The following RBBP4 variants were observed in gnomAD, a reference collection of about 807,000 sequenced individuals.
RBBP4 encodes RB binding protein 4, chromatin remodeling factor.
A neutral mutation model predicts 57.2 loss-of-function variants in RBBP4; 3 were observed. The ratio of observed to expected loss-of-function variants is 0.05; its 90% CI spans 0.02 to 0.14. RBBP4 has a LOEUF of 0.14. Ranked by LOEUF, RBBP4 falls within the 10% of genes least tolerant of loss-of-function variation. The pLI is 1.00. For missense variants in RBBP4, 107 were observed against 520.6 expected, an observed-to-expected ratio of 0.21 and a Z score of 7.73; for synonymous variants, 151 against 171.5, an observed-to-expected ratio of 0.88 and a Z score of 0.93.
intron 2 of RBBP4, among the ~76,000 whole-genome samples, chr1:32,655,765 T>C (rs976557403): frequency 6.6e-6 from 1 of 152,230 alleles, no homozygotes; most frequent in African/African-American, 2.4e-5. Flanking sequence ...TAATTGGCTT[T>C]AGTTTGACAT....
At chr1:32,675,067 A>G (rs12138418) in intron 11 of RBBP4, among the ~76,000 whole-genome samples, 147,725 of 151,764 alleles carry the variant, frequency 0.97, 72,013 homozygotes, top group East Asian at 1. Flanking sequence ...TTTTGTTCTT[A>G]TTTTCCAGCC....
intron 11 of RBBP4, among the ~76,000 whole-genome samples, chr1:32,677,865 T>C (rs1480278493): frequency 6.6e-6 from 1 of 152,180 alleles, no homozygotes; most frequent in Non-Finnish European, 1.5e-5. Flanking sequence ...GCAGTACCTA[T>C]CATAGTGATA....
intron 2 of RBBP4, among the ~76,000 whole-genome samples, chr1:32,656,523 T>G (rs1212710245): frequency 2.0e-5 from 3 of 152,164 alleles, no homozygotes; most frequent in Non-Finnish European, 4.4e-5. Flanking sequence ...GGCTAATTTT[T>G]GTATTTTTAG....
Position 32,651,294 on chromosome 1 carries a change from T to C in RBBP4, c.-13T>C. Reference sequence around the variant, plus strand: ...CGCTCGACCCCAGGATTCCCCCGGCTCGCCTGCCCGCCATGGCCGACAAGG... The same window carrying C: ...CGCTCGACCCCAGGATTCCCCCGGCCCGCCTGCCCGCCATGGCCGACAAGG... On this transcript the variant is annotated 5_prime_UTR_variant, in exon 1 of 12. Transcript: ENST00000373493. The C allele has an allele frequency of 2.7e-6, 4 of 1,480,814 alleles. No individual in the cohort carries two copies. Among genetic ancestry groups the C allele is most frequent in the Non-Finnish European group, 3.6e-6 (4 of 1,116,384 alleles). The allele number at this position is 1,480,814 out of a possible 1,614,324, so 91.7% of individuals were successfully genotyped here. A position where few individuals can be genotyped will look rare whatever the true frequency, so the allele number is the denominator to read the frequency against.
chr1:32,672,334 C>T lies in RBBP4; in HGVS notation c.967-116C>T, dbSNP rs1033400440. On this transcript the variant is annotated intron_variant, in intron 8 of 11. Coordinates refer to ENST00000373493, the MANE Select transcript of RBBP4 (RefSeq NM_005610.3). ...ATTTTAACTGTAACGTGTATAATAC[C>T]TTGACTTCCTCTTCCCTTTTATTTA... 1.5e-4 allele frequency: 126 copies of T among 825,714 alleles called. 1 individual carries two copies. Among genetic ancestry groups the T allele is most frequent in the Non-Finnish European group, 2.2e-4 (114 of 529,520 alleles). 51.1% of individuals were successfully genotyped at this position (825,714 alleles called of 1,614,324 possible).
At chr1:32,655,185 C>CA (rs1648079434) in intron 2 of RBBP4, among the ~76,000 whole-genome samples, 1 of 151,974 alleles carries the variant, frequency 6.6e-6, no homozygotes, top group Non-Finnish European at 1.5e-5. Flanking sequence ...CTATGTTGTC[C>CA]AGACTGTTCT....
chr1:32,661,397 C>G (rs1319296175), intron 3 of RBBP4, among the ~76,000 whole-genome samples: 1 of 148,150 alleles, frequency 6.7e-6, no homozygotes, highest in Non-Finnish European at 1.5e-5. Context: ...CAGGTTCAAG[C>G]AGTTCTTCTG....
chr1:32,673,359 A>G (rs986305058), intron 11 of RBBP4: 2 of 361,378 alleles, frequency 5.5e-6, no homozygotes, highest in Non-Finnish European at 5.4e-6. Context: ...AAATACTACT[A>G]TTTCTCCATG....
In RBBP4 at chr1:32,680,443, C is replaced by A; in HGVS notation, c.*738C>A. On this transcript the variant is annotated 3_prime_UTR_variant, in exon 12 of 12. Transcript: ENST00000373493. ...GACAGTTATACCACAGGTAGACTGTCAAGTTGAGAAGAGTGAATCAATAAC... is the reference window on the plus strand; with the variant it reads ...GACAGTTATACCACAGGTAGACTGTAAAGTTGAGAAGAGTGAATCAATAAC... The A allele has an allele frequency of 1.4e-6, 2 of 1,420,476 alleles. No homozygotes were observed. Among genetic ancestry groups the A allele is most frequent in the South Asian group, 1.3e-5 (1 of 74,724 alleles). 88.0% of individuals were successfully genotyped at this position (1,420,476 alleles called of 1,614,324 possible).
chr1:32,662,025 A>G (rs1466316551), intron 3 of RBBP4, among the ~76,000 whole-genome samples: 2 of 150,766 alleles, frequency 1.3e-5, no homozygotes, highest in Non-Finnish European at 3.0e-5. Flanking sequence ...AGCTGGGACT[A>G]CAGGTCTGTG....
chr1:32,666,677 T>C (rs1010449892), intron 3 of RBBP4, among the ~76,000 whole-genome samples: 3 of 152,088 alleles, frequency 2.0e-5, no homozygotes, highest in African/African-American at 7.2e-5. Context: ...TTAAGATCTG[T>C]TTTTGAAGTA....
intron 2 of RBBP4, among the ~76,000 whole-genome samples, chr1:32,652,940 T>C (rs1250370171): frequency 1.3e-5 from 2 of 152,164 alleles, no homozygotes; most frequent in Non-Finnish European, 2.9e-5. Context: ...AAACTAATAA[T>C]TATAGTTATA....
At position 32,670,898 on chromosome 1, in the gene RBBP4, C is replaced by G. The variant is rs182449044; in HGVS notation, c.966+1335C>G. On this transcript the variant is annotated intron_variant, in intron 8 of 11. Transcript: ENST00000373493. ...TGAGCCATACTCCTACATACTTAGT[C>G]TCTTATTTTCTACTTTTCAGCCCAC... Among the ~76,000 whole-genome samples, 29 of 152,282 alleles carry G rather than the reference C, an allele frequency of 1.9e-4. 1 individual carries two copies. The East Asian group carries it at 4.2e-3, about 22-fold the overall frequency.
In RBBP4 at chr1:32,668,516, A is replaced by G. The variant is rs930958565; in HGVS notation, c.484+118A>G. 3 of 1,151,692 alleles carry G rather than the reference A, an allele frequency of 2.6e-6. No homozygotes were observed. The African/African-American group carries it at 4.7e-5, about 18-fold the overall frequency. 71.3% of individuals were successfully genotyped at this position (1,151,692 alleles called of 1,614,324 possible). Reference sequence around the variant, plus strand: ...ATTTAACATCTTGTGATTTGTATTGATATGTGTATATTTTTCTTCATTTTG... The same window carrying G: ...ATTTAACATCTTGTGATTTGTATTGGTATGTGTATATTTTTCTTCATTTTG... On this transcript the variant is annotated intron_variant, in intron 4 of 11. Coordinates refer to ENST00000373493, the MANE Select transcript of RBBP4 (RefSeq NM_005610.3).
chr1:32,669,191 C>T lies in RBBP4; in HGVS notation c.762-40C>T. On this transcript the variant is annotated intron_variant, in intron 6 of 11. Coordinates refer to ENST00000373493, the MANE Select transcript of RBBP4 (RefSeq NM_005610.3). The surrounding 1 kb of genome is among the most constrained non-coding windows in gnomAD (Gnocchi z 4.9). ...TTGTCTAAGTTTTATGTTTAGTCACCATTTCAAGGTTTTTTTCCTTTGTTT... is the reference window on the plus strand; with the variant it reads ...TTGTCTAAGTTTTATGTTTAGTCACTATTTCAAGGTTTTTTTCCTTTGTTT... The T allele has an allele frequency of 6.2e-7, 1 of 1,610,212 alleles. No individual in the cohort carries two copies. Among genetic ancestry groups the T allele is most frequent in the Non-Finnish European group, 8.5e-7 (1 of 1,178,866 alleles).
chr1:32,657,269 C>CT (rs1648185805), intron 2 of RBBP4, among the ~76,000 whole-genome samples, 158 bp from the exon 3 acceptor site: 1 of 152,006 alleles, frequency 6.6e-6, no homozygotes. Context: ...GAGTGAGACT[C>CT]TATTTATAAA....
intron 9 of RBBP4, 53 bp downstream of exon 9, chr1:32,672,579 T>C (rs1252832076): frequency 6.3e-7 from 1 of 1,597,970 alleles, no homozygotes; most frequent in Admixed American, 1.7e-5. Flanking sequence ...TTATTTACAC[T>C]TTGCAAAGGT....
chr1:32,655,144 A>G (rs975188665), intron 2 of RBBP4, among the ~76,000 whole-genome samples: 6 of 151,892 alleles, frequency 4.0e-5, no homozygotes, highest in Non-Finnish European at 8.8e-5. Context: ...ACACGCTACC[A>G]TACCTGGCTA....
At chr1:32,667,717 C>T (rs1277129011) in intron 3 of RBBP4, among the ~76,000 whole-genome samples, 2 of 152,084 alleles carry the variant, frequency 1.3e-5, no homozygotes, top group Non-Finnish European at 2.9e-5. Context: ...CCTCAGAATC[C>T]GTGGGGAATT....
Sources: gnomAD v4.1 joint callset for allele counts (sites outside exome capture counted in the v4.1 genomes callset) on GRCh38, gnomAD v4.1.1 for gene constraint, Gnocchi (gnomAD v3.1) non-coding constraint, MANE v1.5 for transcripts, NCBI Gene and HGNC (gene_info 2026-07-23, HGNC 2026-07-21) for gene names.